The following RAD51B variants were observed in gnomAD, a reference collection of about 807,000 sequenced individuals.
RAD51B encodes RAD51 paralog B.
RAD51B carries 38 observed loss-of-function variants against 42.2 expected under a neutral mutation model. That is an observed-to-expected ratio of 0.90 (90% CI 0.70 to 1.18). The LOEUF is 1.18. Among genes scored for constraint, RAD51B ranks in the 50% most tolerant of loss-of-function variants. The pLI, the probability that RAD51B is intolerant of heterozygous loss-of-function variation, is 0.00. For synonymous variants in RAD51B, 154 were observed against 145.2 expected (o/e 1.06, Z -0.43); for missense variants, 373 against 400.7 (o/e 0.93, Z 0.59).
chr14:68,359,147 A>T, intron 8 of RAD51B, among the ~76,000 whole-genome samples: 1 of 152,026 alleles, frequency 6.6e-6, no homozygotes, highest in Non-Finnish European at 1.5e-5. Flanking sequence ...CCACGACCTT[A>T]CGAAAAACCA....
intron 5 of RAD51B, among the ~76,000 whole-genome samples, chr14:67,867,907 A>C (rs546462749): frequency 4.6e-5 from 7 of 152,238 alleles, no homozygotes; most frequent in Non-Finnish European, 7.3e-5. Context: ...TTAAAGGATT[A>C]ATATGATGAA....
rs1281330157 is a variant in RAD51B, at chr14:68,195,939, C to T, written c.757-95945C>T. Among the ~76,000 whole-genome samples the T allele has an allele frequency of 3.3e-5, 5 of 150,202 alleles. No individual in the cohort carries two copies. In the East Asian group the frequency reaches 9.7e-4, roughly 29 times the overall value. On this transcript the variant is annotated intron_variant, in intron 7 of 10. Coordinates refer to ENST00000471583, the MANE Select transcript of RAD51B (RefSeq NM_133510.4). ...AAAAAAAAAAAACAACAATTAGGGG[C>T]CAGGTGCAATGGCTCATGCCTGTAA... is the stretch of plus-strand genomic sequence containing the variant.
At chr14:67,893,058 A>G (rs954765947) in intron 7 of RAD51B, among the ~76,000 whole-genome samples, 1 of 152,218 alleles carries the variant, frequency 6.6e-6, no homozygotes, top group Non-Finnish European at 1.5e-5. Flanking sequence ...TCATTGAGCC[A>G]GAAGGTAATC....
chr14:67,999,460 G>A (rs9672142), intron 7 of RAD51B, among the ~76,000 whole-genome samples: 35,437 of 152,098 alleles, frequency 0.23, 4,775 homozygotes, highest in Middle Eastern at 0.38. Context: ...ACCTACAAGA[G>A]TGGACTGGTA....
intron 4 of RAD51B, among the ~76,000 whole-genome samples, chr14:67,854,981 T>G (rs117971002): frequency 6.6e-6 from 1 of 152,162 alleles, no homozygotes; most frequent in Non-Finnish European, 1.5e-5. Flanking sequence ...ATTTTCATAC[T>G]GTAATATAAT....
At chr14:68,513,085 G>T (rs1209473142) in intron 10 of RAD51B, among the ~76,000 whole-genome samples, 1 of 152,162 alleles carries the variant, frequency 6.6e-6, no homozygotes, top group East Asian at 1.9e-4. Context: ...GTGGGCAGGG[G>T]CCAGCCATGG....
Position 68,122,634 on chromosome 14 carries a change from T to TA in RAD51B, c.757-169242dup, listed in dbSNP as rs199691317. 4.3e-3 allele frequency among the ~76,000 whole-genome samples: 653 copies of TA among 152,234 alleles called. 1 individual carries two copies. The highest frequency in any genetic ancestry group is 7.2e-3 in the Non-Finnish European group (487 of 67,988). On this transcript the variant is annotated intron_variant, in intron 7 of 10. Coordinates refer to ENST00000471583, the MANE Select transcript of RAD51B (RefSeq NM_133510.4). ...TACAACTTCTGTGAAGGCCAATCTA[T>TA]AAAAAAAACTTAAATGCATGTATCC...
intron 7 of RAD51B, among the ~76,000 whole-genome samples, chr14:68,228,093 A>G (rs553394634): frequency 6.6e-6 from 1 of 152,264 alleles, no homozygotes; most frequent in South Asian, 2.1e-4. Context: ...AGGAAGGTAA[A>G]TAAATTGTCC....
intron 10 of RAD51B, among the ~76,000 whole-genome samples, chr14:68,507,987 G>C (rs1447675330): frequency 6.6e-6 from 1 of 152,188 alleles, no homozygotes; most frequent in Non-Finnish European, 1.5e-5. Context: ...GAAGCAGAGG[G>C]TGCCAGGGGA....
intron 8 of RAD51B, among the ~76,000 whole-genome samples, chr14:68,293,144 C>A (rs1341891810): frequency 6.6e-6 from 1 of 152,210 alleles, no homozygotes; most frequent in East Asian, 1.9e-4. Context: ...TTCCATTCTG[C>A]CACTACCAAA....
At position 68,611,164 on chromosome 14, in the gene RAD51B, T is replaced by C. The variant is rs1293080734; in HGVS notation, c.1195T>C (p.Ser399Pro). ...CTCCATGTGCCCTCCACAGATGCAC[T>C]CAACTGTCCTCTCTTCTGCTCTTCC... Residue 399 changes from serine to proline, a missense_variant, in exon 11 of 11, where the codon TCA (serine) becomes CCA (proline). Physicochemically the swap from Ser to Pro is moderately conservative, Grantham distance 74. Coordinates refer to the RAD51B transcript ENST00000487861. 4.3e-6 allele frequency: 3 copies of C among 703,096 alleles called. No homozygotes were observed. In the East Asian group the frequency reaches 8.0e-5, roughly 19 times the overall value. The allele number at this position is 703,096 out of a possible 1,614,324, so 43.6% of individuals were successfully genotyped here. A position where few individuals can be genotyped will look rare whatever the true frequency, so the allele number is the denominator to read the frequency against.
intron 8 of RAD51B, among the ~76,000 whole-genome samples, chr14:68,405,829 CA>C (rs10547910): frequency 0.14 from 10,287 of 71,580 alleles, 287 homozygotes; most frequent in Middle Eastern, 0.16. Flanking sequence ...AGTTTATCAC[CA>C]AAAAAAAAAA....
chr14:68,643,758 G>A (rs1227374669), intron 10 of RAD51B, among the ~76,000 whole-genome samples: 1 of 152,172 alleles, frequency 6.6e-6, no homozygotes, highest in Non-Finnish European at 1.5e-5. Flanking sequence ...TTTTTAGGAG[G>A]TCTGGGAGGA....
chr14:68,102,452 G>A (rs1349495049), intron 7 of RAD51B, among the ~76,000 whole-genome samples: 1 of 152,140 alleles, frequency 6.6e-6, no homozygotes, highest in African/African-American at 2.4e-5. Flanking sequence ...TAGGGCAGGG[G>A]CAAAATTCCA....
intron 8 of RAD51B, among the ~76,000 whole-genome samples, chr14:68,399,844 A>G (rs551252982): frequency 6.6e-6 from 1 of 152,296 alleles, no homozygotes; most frequent in East Asian, 1.9e-4. Flanking sequence ...CAGGTGTCCC[A>G]ATAATGTACT....
rs17105070 is a variant in RAD51B, at chr14:68,153,968, C to T, written c.757-137916C>T. The stretch of plus-strand genomic sequence containing the variant: ...AGAAAAGAATCTCTTTGTCAATAAG[C>T]CATGTGATTCATGAGTCGTATTTTA... On this transcript the variant is annotated intron_variant, in intron 7 of 10. Coordinates refer to ENST00000471583, the MANE Select transcript of RAD51B (RefSeq NM_133510.4). Among the ~76,000 whole-genome samples, 609 of 152,248 alleles carry T rather than the reference C, an allele frequency of 4.0e-3. 6 individuals are homozygous for T. The highest frequency in any genetic ancestry group is 0.014 in the African/African-American group (583 of 41,548).
chr14:68,039,650 G>A (rs2076188245), intron 7 of RAD51B, among the ~76,000 whole-genome samples: 5 of 152,134 alleles, frequency 3.3e-5, no homozygotes, highest in Admixed American at 3.3e-4. Flanking sequence ...GCCTTCTACA[G>A]CAAAATTGTA....
chr14:67,960,091 A>AC (rs2074632501), intron 7 of RAD51B, among the ~76,000 whole-genome samples: 1 of 152,076 alleles, frequency 6.6e-6, no homozygotes. Flanking sequence ...TCTCAAAAAA[A>AC]AAAAAGAAGT....
intron 10 of RAD51B, among the ~76,000 whole-genome samples, chr14:68,544,893 A>G (rs1274874614): frequency 1.3e-5 from 2 of 152,176 alleles, no homozygotes; most frequent in Admixed American, 6.5e-5. Context: ...AGGGACTCCA[A>G]ATGCATTTGC....
Sources: gnomAD v4.1 joint callset for allele counts (sites outside exome capture counted in the v4.1 genomes callset) on GRCh38, gnomAD v4.1.1 for gene constraint, MANE v1.5 for transcripts, NCBI Gene and HGNC (gene_info 2026-07-23, HGNC 2026-07-21) for gene names.